The following HERPUD1 variants were observed in gnomAD, a reference collection of about 807,000 sequenced individuals.
HERPUD1 encodes the protein homocysteine inducible ER protein with ubiquitin like domain 1, also known as homocysteine-responsive endoplasmic reticulum-resident ubiquitin-like domain member 1 protein.
Under a neutral mutation model 45.0 loss-of-function variants are expected in HERPUD1, and 17 were observed. That is an observed-to-expected ratio of 0.38 (90% CI 0.26 to 0.57). The LOEUF (loss-of-function observed/expected upper bound fraction) is 0.57. Ranked by LOEUF, HERPUD1 falls within the 20% of genes least tolerant of loss-of-function variation. The probability of loss-of-function intolerance (pLI) is 0.72; values close to 1 mark genes in which losing one functional copy is unlikely to be tolerated. For missense variants in HERPUD1, 420 were observed against 490.5 expected, an observed-to-expected ratio of 0.86 and a Z score of 1.36; for synonymous variants, 164 against 177.5, an observed-to-expected ratio of 0.92 and a Z score of 0.61.
At chr16:56,933,188 C>T in intron 1 of HERPUD1, 2 of 448,140 alleles carry the variant, frequency 4.5e-6, no homozygotes, top group South Asian at 3.2e-5. Flanking sequence ...TCTTCACTGC[C>T]CACGAGCATA....
intron 4 of HERPUD1, among the ~76,000 whole-genome samples, chr16:56,938,334 T>G (rs555802283): frequency 3.3e-5 from 5 of 152,008 alleles, no homozygotes; most frequent in African/African-American, 1.2e-4. Flanking sequence ...GAGGCCAAGG[T>G]GGGCGGATCA....
chr16:56,940,216 G>T lies in HERPUD1; in HGVS notation c.876G>T (p.Met292Ile). 2.5e-6 allele frequency: 4 copies of T among 1,613,490 alleles called. No individual in the cohort carries two copies. The highest frequency in any genetic ancestry group is 3.4e-6 in the Non-Finnish European group (4 of 1,179,456). The change falls in exon 6 of 8, where the codon ATG becomes ATT. Residue 292 changes from methionine to isoleucine, a missense_variant. Transcript: ENST00000439977. ...YFYSSLSRFL[M>I]VMGATVVMYL... The stretch of plus-strand genomic sequence containing the variant: ...ACTCCTCCCTGAGCAGATTCCTCAT[G>T]GTCATGGGGGCCACCGTTGTTATGT...
intron 1 of HERPUD1, chr16:56,933,124 T>C (rs2055840079): frequency 2.6e-6 from 1 of 384,686 alleles, no homozygotes; most frequent in Non-Finnish European, 5.1e-6. Context: ...GGCTGTAAGC[T>C]GGCCCTTCCT....
chr16:56,932,230 A>ACCGCCG lies in HERPUD1; in HGVS notation c.-6_-1dup, dbSNP rs575530035. ...CCTAGGAGCGCAGCGGAGCCCCGACACCGCCGCCGCCGCCATGGAGTCCGA... is the reference window on the plus strand; with the variant it reads ...CCTAGGAGCGCAGCGGAGCCCCGACACCGCCGCCGCCGCCGCCGCCATGGAGTCCGA... On this transcript the variant is annotated 5_prime_UTR_variant, in exon 1 of 8. Coordinates refer to ENST00000439977, the MANE Select transcript of HERPUD1 (RefSeq NM_014685.4). The ACCGCCG allele has an allele frequency of 3.5e-4, 561 of 1,603,370 alleles. No individual in the cohort carries two copies. The highest frequency in any genetic ancestry group is 4.5e-4 in the Non-Finnish European group (529 of 1,178,434).
chr16:56,944,355 A>G lies in HERPUD1; in HGVS notation c.*1065A>G, dbSNP rs545564707. 32 of 152,344 alleles carry G rather than the reference A, an allele frequency of 2.1e-4. No homozygotes were observed. The highest frequency in any genetic ancestry group is 7.5e-4 in the African/African-American group (31 of 41,574). 9.4% of individuals were successfully genotyped at this position (152,344 alleles called of 1,614,324 possible). A position where few individuals can be genotyped will look rare whatever the true frequency, so the allele number is the denominator to read the frequency against. ...GTGGTTTCACCTTGGCAAATCTGCA[A>G]TAGTTTCACCAGCTCAAATTTCATG... On this transcript the variant is annotated 3_prime_UTR_variant, in exon 8 of 8. Transcript: ENST00000439977.
At position 56,932,303 on chromosome 16, in the gene HERPUD1, G is replaced by A. The variant is rs2055831611; in HGVS notation, c.59G>A (p.Arg20His). 6.2e-7 allele frequency: 1 copy of A among 1,608,546 alleles called. No individual in the cohort carries two copies. Residue 20 changes from arginine to histidine, a missense_variant, in exon 1 of 8, where the codon CGC becomes CAC. By Grantham distance (29) the Arg-to-His change is conservative (BLOSUM62 0). Coordinates refer to ENST00000439977, the MANE Select transcript of HERPUD1 (RefSeq NM_014685.4). ...VTLLVKSPNQ[R>H]HRDLELSGDR... ...CTCCTGGTGAAGAGCCCCAACCAGC[G>A]CCACCGCGACTTGGAGCTGAGTGGC...
At chr16:56,934,702 C>CTTTTTTTTTTTTTTTTTTTT (rs869088050) in intron 1 of HERPUD1, among the ~76,000 whole-genome samples, 1 of 59,906 alleles carries the variant, frequency 1.7e-5, no homozygotes, top group Non-Finnish European at 3.1e-5. Flanking sequence ...ATTTGCCATT[C>CTTTTTTTTTTTTTTTTTTTT]TTTTTTTTTT....
In HERPUD1 at chr16:56,943,342, C is replaced by T. The variant is rs1477002581; in HGVS notation, c.*52C>T. 3 of 1,598,990 alleles carry T rather than the reference C, an allele frequency of 1.9e-6. No homozygotes were observed. The highest frequency in any genetic ancestry group is 2.7e-5 in the African/African-American group (2 of 74,568). On this transcript the variant is annotated 3_prime_UTR_variant, in exon 8 of 8. Transcript: ENST00000439977. ...GCTTTGACAGGAATGGACTGGATCA[C>T]CTGACTCCAGCTAGATTGCCTCTCC...
chr16:56,932,514 C>A, intron 1 of HERPUD1, 123 bp downstream of exon 1: 2 of 917,430 alleles, frequency 2.2e-6, no homozygotes, highest in South Asian at 1.8e-5. Flanking sequence ...CTCGGCCGGT[C>A]ACCTCCCCCA....
chr16:56,936,185 A>G (rs2055864824), intron 3 of HERPUD1: 1 of 152,738 alleles, frequency 6.5e-6, no homozygotes, highest in Non-Finnish European at 1.5e-5. Flanking sequence ...ATCTGAACAG[A>G]GCATAGGAAA....
intron 7 of HERPUD1, among the ~76,000 whole-genome samples, chr16:56,942,593 G>A (rs1364924368): frequency 2.0e-5 from 3 of 152,172 alleles, no homozygotes; most frequent in Non-Finnish European, 4.4e-5. Context: ...GGTGGCTCAC[G>A]CCTGTAATCC....
intron 7 of HERPUD1, among the ~76,000 whole-genome samples, chr16:56,942,866 A>C (rs2055921580): frequency 6.6e-6 from 1 of 152,124 alleles, no homozygotes; most frequent in Admixed American, 6.5e-5. Context: ...TAATAGTTGC[A>C]GATCTAGTTG....
At position 56,942,223 on chromosome 16, in the gene HERPUD1, A is replaced by T; in HGVS notation, c.997A>T (p.Asn333Tyr). ...PPPDVVNQDP[N>Y]NNLQEGTDPE... ...TCCTGACGTTGTAAATCAGGACCCC[A>T]ACAATAACTTACAGGTATGGAGCCT... is the stretch of plus-strand genomic sequence containing the variant. The change falls in exon 7 of 8, where the codon AAC (asparagine) becomes TAC (tyrosine). Residue 333 changes from asparagine (N) to tyrosine (Y), a missense_variant. Coordinates refer to ENST00000439977, the MANE Select transcript of HERPUD1 (RefSeq NM_014685.4). 1 of 1,613,420 alleles carries T rather than the reference A, an allele frequency of 6.2e-7. No individual in the cohort carries two copies. The highest frequency in any genetic ancestry group is 1.1e-5 in the South Asian group (1 of 91,068).
intron 1 of HERPUD1, chr16:56,933,254 G>A (rs1240710229): frequency 2.2e-6 from 1 of 456,066 alleles, no homozygotes; most frequent in South Asian, 1.5e-5. Context: ...GAAGTCGTGA[G>A]TTCCAGCTTG....
At chr16:56,939,412 G>C in intron 5 of HERPUD1, 53 bp downstream of exon 5, 1 of 1,609,412 alleles carries the variant, frequency 6.2e-7, no homozygotes, top group Non-Finnish European at 8.5e-7. Context: ...GAATTGAAGG[G>C]AATTTTATCC....
intron 4 of HERPUD1, among the ~76,000 whole-genome samples, chr16:56,938,290 G>A (rs532799920): frequency 9.2e-5 from 14 of 152,138 alleles, no homozygotes; most frequent in South Asian, 8.3e-4. Context: ...TTGGCCGGGC[G>A]CGGTGGCTCA....
chr16:56,935,470 G>T lies in HERPUD1; in HGVS notation c.295G>T (p.Ala99Ser). 6.2e-7 allele frequency: 1 copy of T among 1,613,022 alleles called. No individual in the cohort carries two copies. Residue 99 changes from alanine to serine, a missense_variant, in exon 3 of 8, where the codon GCC (alanine) becomes TCC (serine). Physicochemically the swap from Ala to Ser is moderately conservative, Grantham distance 99. Coordinates refer to ENST00000439977, the MANE Select transcript of HERPUD1 (RefSeq NM_014685.4). ...KSPSKMPEIN[A>S]KVAESTEEPA... is the part of the protein sequence containing the mutation. ...TCCTTCAAAAATGCCAGAAATCAAC[G>T]CCAAGGTGTGTCTGCCTCTTCATGA...
chr16:56,943,183 C>T lies in HERPUD1; in HGVS notation c.1069C>T (p.Leu357=). The change falls in exon 8 of 8, where the codon CTA becomes TTA. Residue 357 remains leucine (L), a synonymous_variant. Transcript: ENST00000439977. ...PNHLPPDRDV[L]DGEQTSPSFM... is the part of the protein sequence containing the mutation. ...CCACCTCCCTCCAGACAGGGATGTA[C>T]TAGATGGCGAGCAGACCAGCCCCTC... 3.7e-6 allele frequency: 6 copies of T among 1,614,182 alleles called. No homozygotes were observed. The highest frequency in any genetic ancestry group is 5.1e-6 in the Non-Finnish European group (6 of 1,179,992).
Position 56,939,923 on chromosome 16 carries a change from TTTG to T in HERPUD1, c.586_588del (p.Val196del), listed in dbSNP as rs1482527082. 1.9e-6 allele frequency: 3 copies of T among 1,611,558 alleles called. No homozygotes were observed. Among genetic ancestry groups the T allele is most frequent in the Non-Finnish European group, 2.5e-6 (3 of 1,177,676 alleles). On this transcript the variant is annotated inframe_deletion, in exon 6 of 8. Transcript: ENST00000439977. The stretch of plus-strand genomic sequence containing the variant: ...AGCAGCCACTGCTGCATCAGGGGCT[TTTG>T]TTCCACCACCAAGTGCACAAGAGAT...
Sources: gnomAD v4.1 joint callset for allele counts (sites outside exome capture counted in the v4.1 genomes callset) on GRCh38, gnomAD v4.1.1 for gene constraint, MANE v1.5 for transcripts, NCBI Gene and HGNC (gene_info 2026-07-23, HGNC 2026-07-21) for gene names.